Variants in NT5E observed in about 807,000 individuals in gnomAD.
NT5E encodes the protein 5'-nucleotidase.
In NT5E, 53 loss-of-function variants were observed where a neutral mutation model predicts 55.1. The ratio of observed to expected loss-of-function variants is 0.96; its 90% CI spans 0.77 to 1.21. The LOEUF (loss-of-function observed/expected upper bound fraction) is 1.21, where lower values mean the gene tolerates loss of function less well. Among genes scored for constraint, NT5E ranks in the 50% most tolerant of loss-of-function variants. The probability of loss-of-function intolerance (pLI) is 0.00; values close to 1 mark genes in which losing one functional copy is unlikely to be tolerated. For synonymous variants in NT5E, 270 were observed against 278.4 expected, an observed-to-expected ratio of 0.97 and a Z score of 0.30; for missense variants, 683 against 724.3, an observed-to-expected ratio of 0.94 and a Z score of 0.65.
At chr6:85,461,306 G>GA (rs1479659463) in intron 1 of NT5E, among the ~76,000 whole-genome samples, 1 of 152,060 alleles carries the variant, frequency 6.6e-6, no homozygotes, top group African/African-American at 2.4e-5. Context: ...TGTTGTAATG[G>GA]AAAAAAGGTT....
At chr6:85,493,742 C>T in intron 8 of NT5E, 99 bp from the exon 9 acceptor site, 1 of 984,868 alleles carries the variant, frequency 1.0e-6, no homozygotes, top group Non-Finnish European at 1.6e-6. Flanking sequence ...TTTACCCCTG[C>T]TTATGAAATT....
chr6:85,480,982 C>A (rs1769538168), intron 3 of NT5E, among the ~76,000 whole-genome samples: 1 of 152,164 alleles, frequency 6.6e-6, no homozygotes, highest in Non-Finnish European at 1.5e-5. Flanking sequence ...CACCCAGCTG[C>A]ATAGTTGAGG....
rs1769842679 is a variant in NT5E at position 85,494,064 on chromosome 6, C to A, written c.*60C>A. ...GCATTTTTTCAAGTGAGATTCAAAT[C>A]TGCCTTTTAGGACCTGGCTTTGTGA... On this transcript the variant is annotated 3_prime_UTR_variant, in exon 9 of 9. Coordinates refer to ENST00000257770, the MANE Select transcript of NT5E (RefSeq NM_002526.4). The A allele has an allele frequency of 5.1e-6, 8 of 1,564,092 alleles. No individual in the cohort carries two copies. Among genetic ancestry groups the A allele is most frequent in the Non-Finnish European group, 7.0e-6 (8 of 1,138,344 alleles).
chr6:85,457,325 C>A (rs4235825), intron 1 of NT5E, among the ~76,000 whole-genome samples: 7 of 152,138 alleles, frequency 4.6e-5, no homozygotes, highest in Non-Finnish European at 1.0e-4. Flanking sequence ...CTTCCACTTA[C>A]TAGCTGTGTG....
At position 85,450,263 on chromosome 6, in the gene NT5E, G is replaced by C. The variant is rs775426902; in HGVS notation, c.124G>C (p.Glu42Gln). 5.6e-6 allele frequency: 9 copies of C among 1,609,130 alleles called. No individual in the cohort carries two copies. Among genetic ancestry groups the C allele is most frequent in the African/African-American group, 2.7e-5 (2 of 74,890 alleles). Residue 42 changes from glutamate to glutamine, a missense_variant, in exon 1 of 9, where the codon GAG becomes CAG. By Grantham distance (29) the Glu-to-Gln change is conservative (BLOSUM62 2). Transcript: ENST00000257770. The surrounding 1 kb of genome is among the most constrained non-coding windows in gnomAD (Gnocchi z 4.0). ...CACCAACGACGTGCACAGCCGGCTG[G>C]AGCAGACCAGCGAGGACTCCAGCAA... ...LHTNDVHSRL[E>Q]QTSEDSSKCV...
At position 85,484,176 on chromosome 6, in the gene NT5E, T is replaced by C. The variant is rs113037074; in HGVS notation, c.752-1059T>C. ...CTCTGGACCCTCTGTAAATATCTAA[T>C]AGGAACGACTAGCCATGGGTGTGAT... On this transcript the variant is annotated intron_variant, in intron 3 of 8. Transcript: ENST00000257770. 1.5e-4 allele frequency among the ~76,000 whole-genome samples: 23 copies of C among 152,302 alleles called. 2 individuals are homozygous for C. The highest frequency in any genetic ancestry group is 4.8e-4 in the African/African-American group (20 of 41,570).
chr6:85,485,238 ATCCACCTTCCAAAGAGG>A lies in NT5E; in HGVS notation c.757_773del (p.Pro253AlafsTer12), dbSNP rs761055107. 6.2e-7 allele frequency: 1 copy of A among 1,614,126 alleles called. No individual in the cohort carries two copies. Among genetic ancestry groups the A allele is most frequent in the Non-Finnish European group, 8.5e-7 (1 of 1,180,018 alleles). On this transcript the variant is annotated frameshift_variant, in exon 4 of 9. Coordinates refer to ENST00000257770, the MANE Select transcript of NT5E (RefSeq NM_002526.4). LOFTEE classifies it high-confidence loss of function. ...AGCTGTGGCTCTTTTATTTCAGGCA[ATCCACCTTCCAAAGAGG>A]TGCCTGCTGGGAAGTACCCATTCAT...
Position 85,494,198 on chromosome 6 carries a change from A to C in NT5E, c.*194A>C. ...CAGCAACCTAGTGAGTTAGAAAAAA[A>C]ATTAACATAGGGCCCTATAAGGAGA... On this transcript the variant is annotated 3_prime_UTR_variant, in exon 9 of 9. Coordinates refer to ENST00000257770, the MANE Select transcript of NT5E (RefSeq NM_002526.4). 1 of 615,060 alleles carries C rather than the reference A, an allele frequency of 1.6e-6. No individual in the cohort carries two copies. The highest frequency in any genetic ancestry group is 1.8e-5 in the African/African-American group (1 of 54,190). 38.1% of individuals were successfully genotyped at this position (615,060 alleles called of 1,614,324 possible).
chr6:85,479,752 C>T (rs924677539), intron 3 of NT5E, among the ~76,000 whole-genome samples: 3 of 152,184 alleles, frequency 2.0e-5, no homozygotes, highest in African/African-American at 7.2e-5. Flanking sequence ...TAGTCTCTCT[C>T]TCTCTCTCCA....
In NT5E at chr6:85,476,664, CT is replaced by C. The variant is rs571002393; in HGVS notation, c.751+5242del. Among the ~76,000 whole-genome samples the C allele has an allele frequency of 1.1e-4, 17 of 152,260 alleles. No individual in the cohort carries two copies. In the South Asian group the frequency reaches 3.3e-3, roughly 30 times the overall value. ...AATTGAAGATGGTGAATGTGGAGAA[CT>C]TTATTGCTGATGAAAATGGCTCTCA... On this transcript the variant is annotated intron_variant, in intron 3 of 8. Coordinates refer to ENST00000257770, the MANE Select transcript of NT5E (RefSeq NM_002526.4).
chr6:85,470,313 G>T (rs1490645685), intron 2 of NT5E, among the ~76,000 whole-genome samples: 1 of 152,292 alleles, frequency 6.6e-6, no homozygotes, highest in Non-Finnish European at 1.5e-5. Context: ...GATAACAAAA[G>T]GCTATCGTTT....
chr6:85,485,793 C>T (rs1373236467), intron 4 of NT5E, among the ~76,000 whole-genome samples: 2 of 152,230 alleles, frequency 1.3e-5, no homozygotes, highest in Admixed American at 1.3e-4. Context: ...GGCCCCCCAA[C>T]TAGAGGCAGT....
At chr6:85,473,497 C>T (rs1258816915) in intron 3 of NT5E, among the ~76,000 whole-genome samples, 1 of 152,136 alleles carries the variant, frequency 6.6e-6, no homozygotes, top group African/African-American at 2.4e-5. Context: ...GATATGTCTC[C>T]TCCCCCTTCT....
rs1165435416 is a variant in NT5E at position 85,464,967 on chromosome 6, A to G, written c.340-2093A>G. Among the ~76,000 whole-genome samples the G allele has an allele frequency of 2.6e-5, 4 of 152,220 alleles. No individual in the cohort carries two copies. In the East Asian group the frequency reaches 5.8e-4, roughly 22 times the overall value. On this transcript the variant is annotated intron_variant, in intron 1 of 8. Transcript: ENST00000257770. ...GCTTTGAGCCTGGTAAGCTTGGGAC[A>G]CTTTTGAGACATTGGGAGGAAATGA...
chr6:85,490,400 C>T (rs955019319), intron 6 of NT5E, 108 bp from the exon 7 acceptor site: 3 of 1,277,682 alleles, frequency 2.3e-6, no homozygotes, highest in Non-Finnish European at 3.4e-6. Flanking sequence ...GCTCTATAAG[C>T]TTCCCATGTC....
chr6:85,452,937 T>G (rs994660142), intron 1 of NT5E, among the ~76,000 whole-genome samples: 1 of 152,062 alleles, frequency 6.6e-6, no homozygotes, highest in Non-Finnish European at 1.5e-5. Context: ...AGGAGCCACA[T>G]AAAAGGACTG....
chr6:85,490,958 CTTAT>C, intron 7 of NT5E: 2 of 513,456 alleles, frequency 3.9e-6, no homozygotes, highest in Non-Finnish European at 7.5e-6. Flanking sequence ...CTAATAAAAT[CTTAT>C]TTAAGCATTC....
intron 3 of NT5E, among the ~76,000 whole-genome samples, chr6:85,474,546 C>T (rs935980024): frequency 1.3e-5 from 2 of 152,178 alleles, no homozygotes; most frequent in African/African-American, 4.8e-5. Flanking sequence ...TAGTCATTTA[C>T]TTCACATTTC....
chr6:85,485,047 T>A (rs1378656940), intron 3 of NT5E, among the ~76,000 whole-genome samples, 188 bp from the exon 4 acceptor site: 3 of 152,192 alleles, frequency 2.0e-5, no homozygotes, highest in African/African-American at 7.2e-5. Flanking sequence ...ATGGTAGGAT[T>A]CATGTACCAA....
Sources: gnomAD v4.1 joint callset for allele counts (sites outside exome capture counted in the v4.1 genomes callset) on GRCh38, gnomAD v4.1.1 for gene constraint, Gnocchi (gnomAD v3.1) non-coding constraint, MANE v1.5 for transcripts, NCBI Gene and HGNC (gene_info 2026-07-23, HGNC 2026-07-21) for gene names.